Variants in NRXN1 observed in about 807,000 individuals in gnomAD.
NRXN1 encodes the protein neurexin-1.
NRXN1 carries 39 observed loss-of-function variants against 150.9 expected under a neutral mutation model. That is an observed-to-expected ratio of 0.26 (90% CI 0.20 to 0.34). The LOEUF (loss-of-function observed/expected upper bound fraction) is 0.34. Ranked by LOEUF, NRXN1 falls within the 10% of genes least tolerant of loss-of-function variation. NRXN1 has a pLI of 1.00. For missense variants in NRXN1, 1,815 were observed against 1,949.9 expected, an observed-to-expected ratio of 0.93 and a Z score of 1.30; for synonymous variants, 924 against 757.0, an observed-to-expected ratio of 1.22 and a Z score of -3.62.
intron 18 of NRXN1, among the ~76,000 whole-genome samples, chr2:50,104,141 T>C (rs72878113): frequency 0.14 from 21,516 of 152,014 alleles, 1,716 homozygotes; most frequent in East Asian, 0.3. Flanking sequence ...AACTCATTAG[T>C]GGTCATCTAC....
At chr2:50,042,116 A>C (rs1473783720) in intron 21 of NRXN1, among the ~76,000 whole-genome samples, 6 of 152,238 alleles carry the variant, frequency 3.9e-5, no homozygotes, top group Non-Finnish European at 7.3e-5. Flanking sequence ...AAATGTCTTT[A>C]TACTGCATAA....
At chr2:50,753,248 T>C (rs1700806891) in intron 5 of NRXN1, among the ~76,000 whole-genome samples, 1 of 151,838 alleles carries the variant, frequency 6.6e-6, no homozygotes, top group African/African-American at 2.4e-5. Context: ...AGAATGAAAA[T>C]AAGATAAAAT....
chr2:50,760,852 T>C (rs561731144), intron 5 of NRXN1, among the ~76,000 whole-genome samples: 12 of 151,984 alleles, frequency 7.9e-5, no homozygotes, highest in African/African-American at 2.2e-4. Context: ...GGTGGCCTTA[T>C]CTACCTTGCT....
chr2:50,580,669 A>G (rs971203347), intron 8 of NRXN1, among the ~76,000 whole-genome samples: 3 of 152,166 alleles, frequency 2.0e-5, no homozygotes, highest in Non-Finnish European at 4.4e-5. Flanking sequence ...AAGACTACTC[A>G]ACCCAGTAGT....
At chr2:50,356,253 G>A (rs1424428431) in intron 17 of NRXN1, among the ~76,000 whole-genome samples, 1 of 151,926 alleles carries the variant, frequency 6.6e-6, no homozygotes, top group African/African-American at 2.4e-5. Context: ...TTTTTTTCTG[G>A]GATGGATGAG....
chr2:50,557,752 T>C (rs577985197), intron 8 of NRXN1, among the ~76,000 whole-genome samples: 17 of 152,356 alleles, frequency 1.1e-4, no homozygotes, highest in African/African-American at 3.8e-4. Flanking sequence ...TATTCTTACA[T>C]TGAATTGATG....
At chr2:50,788,774 G>A (rs577061080) in intron 5 of NRXN1, among the ~76,000 whole-genome samples, 2 of 151,738 alleles carry the variant, frequency 1.3e-5, no homozygotes, top group South Asian at 4.2e-4. Context: ...AAACAAAACT[G>A]AATAAAGCAT....
intron 5 of NRXN1, among the ~76,000 whole-genome samples, chr2:50,624,044 T>C (rs983875361): frequency 1.3e-5 from 2 of 152,128 alleles, no homozygotes; most frequent in Non-Finnish European, 2.9e-5. Context: ...GTTTGGTTTT[T>C]TGTCCTTGAG....
intron 18 of NRXN1, among the ~76,000 whole-genome samples, chr2:50,199,497 A>G (rs1050908558): frequency 1.3e-5 from 2 of 151,320 alleles, no homozygotes; most frequent in Non-Finnish European, 2.9e-5. Context: ...CATGTATGCC[A>G]AAGTAATCGC....
At chr2:50,010,669 T>C (rs1206484208) in intron 21 of NRXN1, among the ~76,000 whole-genome samples, 1 of 152,112 alleles carries the variant, frequency 6.6e-6, no homozygotes. Context: ...CTGGTCCTGC[T>C]GCAACTTGTT....
chr2:49,943,873 A>C, intron 21 of NRXN1, 82 bp from the exon 22 acceptor site: 1 of 1,042,622 alleles, frequency 9.6e-7, no homozygotes, highest in East Asian at 2.6e-5. Context: ...CAAGTGAAAT[A>C]CAATTTGTTT....
intron 5 of NRXN1, among the ~76,000 whole-genome samples, chr2:50,747,011 C>T (rs1185757478): frequency 6.6e-6 from 1 of 152,034 alleles, no homozygotes; most frequent in Non-Finnish European, 1.5e-5. Flanking sequence ...AGAGGGTGAA[C>T]TCTAAGAAGT....
intron 2 of NRXN1, among the ~76,000 whole-genome samples, chr2:50,971,109 T>A (rs1039193761): frequency 6.6e-6 from 1 of 152,136 alleles, no homozygotes; most frequent in African/African-American, 2.4e-5. Flanking sequence ...TGTTTGAAAA[T>A]ATAATTTTCT....
chr2:50,385,395 T>C (rs893155640), intron 17 of NRXN1, among the ~76,000 whole-genome samples: 1 of 152,220 alleles, frequency 6.6e-6, no homozygotes, highest in Non-Finnish European at 1.5e-5. Flanking sequence ...CTTACTCAAA[T>C]GACTTCCTTA....
intron 8 of NRXN1, among the ~76,000 whole-genome samples, chr2:50,607,857 T>C (rs1163452049): frequency 6.6e-6 from 1 of 152,104 alleles, no homozygotes; most frequent in Non-Finnish European, 1.5e-5. Flanking sequence ...CAAAGCTTAT[T>C]ACTTAGATAG....
intron 20 of NRXN1, among the ~76,000 whole-genome samples, chr2:50,054,651 AT>A (rs1693315551): frequency 6.6e-6 from 1 of 152,182 alleles, no homozygotes; most frequent in Non-Finnish European, 1.5e-5. Flanking sequence ...TGAATGATTT[AT>A]CATTTTGGGT....
rs1162706361 is a variant in NRXN1 at position 50,329,671 on chromosome 2, A to T, written c.3365-92701T>A. Among the ~76,000 whole-genome samples, 109 of 20,658 alleles carry T rather than the reference A, an allele frequency of 5.3e-3. 9 individuals are homozygous for T. The highest frequency in any genetic ancestry group is 9.9e-3 in the African/African-American group (40 of 4,042). The allele number at this position is 20,658 out of a possible 152,430, so 13.6% of individuals were successfully genotyped here. A position where few individuals can be genotyped will look rare whatever the true frequency, so the allele number is the denominator to read the frequency against. On this transcript the variant is annotated intron_variant, in intron 17 of 22. Transcript: ENST00000401669. ...TATATATATATATATATATATATAT[A>T]TATTTTTTTTTTTCCCCCCCGAGAC...
intron 2 of NRXN1, among the ~76,000 whole-genome samples, chr2:51,000,733 A>G (rs1222933425): frequency 6.6e-6 from 1 of 151,936 alleles, no homozygotes; most frequent in East Asian, 1.9e-4. Flanking sequence ...TACAAATGAA[A>G]TATTTTGGGG....
At chr2:49,964,303 G>C (rs1365249308) in intron 21 of NRXN1, among the ~76,000 whole-genome samples, 1 of 152,138 alleles carries the variant, frequency 6.6e-6, no homozygotes, top group Non-Finnish European at 1.5e-5. Context: ...ATACTAAGAA[G>C]TCTTCGGTGG....
Sources: allele counts gnomAD v4.1 joint callset (sites outside exome capture counted in the v4.1 genomes callset), GRCh38; gene constraint gnomAD v4.1.1; transcripts MANE v1.5; gene names NCBI Gene and HGNC (gene_info 2026-07-23, HGNC 2026-07-21).